The following NIN variants were observed in gnomAD, a reference collection of about 807,000 sequenced individuals.
NIN encodes the protein ninein.
A neutral mutation model predicts 257.6 loss-of-function variants in NIN; 137 were observed. The observed-to-expected ratio is 0.53, with a 90% CI of 0.46 to 0.61. The LOEUF (loss-of-function observed/expected upper bound fraction) is 0.61. NIN is among the 20% of genes least tolerant of loss of function. NIN has a pLI of 0.00. For synonymous variants in NIN, 918 were observed against 919.8 expected, an observed-to-expected ratio of 1.00 and a Z score of 0.04; for missense variants, 2,439 against 2,501.2, an observed-to-expected ratio of 0.98 and a Z score of 0.53.
intron 4 of NIN, chr14:50,806,077 C>T (rs2044312476): frequency 6.6e-6 from 1 of 152,194 alleles, no homozygotes; most frequent in South Asian, 2.1e-4. Flanking sequence ...TTTTACATTA[C>T]AATTGGCAAC....
Position 50,721,211 on chromosome 14 carries a change from T to C in NIN, c.*2252A>G. 1 of 202,638 alleles carries C rather than the reference T, an allele frequency of 4.9e-6. No individual in the cohort carries two copies. The highest frequency in any genetic ancestry group is 2.3e-5 in the African/African-American group (1 of 43,738). The allele number at this position is 202,638 out of a possible 1,614,324, so 12.6% of individuals were successfully genotyped here. The stretch of plus-strand genomic sequence containing the variant: ...GGGATAAAATGAGAAATTAAGCACC[T>C]AGATGTTGGTTAAATTCATTTGAGC... On this transcript the variant is annotated 3_prime_UTR_variant, in exon 31 of 31. Coordinates refer to ENST00000530997, the MANE Select transcript of NIN (RefSeq NM_020921.4).
At chr14:50,788,912 G>C (rs914829348) in intron 5 of NIN, among the ~76,000 whole-genome samples, 4 of 152,124 alleles carry the variant, frequency 2.6e-5, no homozygotes, top group African/African-American at 9.7e-5. Context: ...ATGGGTTTAG[G>C]CCCTTTTATT....
At chr14:50,770,282 G>A (rs2042676928) in intron 12 of NIN, 106 bp downstream of exon 12, 1 of 1,169,666 alleles carries the variant, frequency 8.5e-7, no homozygotes. Context: ...AAACTTGGAG[G>A]ATTTTTGGAC....
intron 9 of NIN, chr14:50,772,041 CACT>C: frequency 2.9e-6 from 1 of 343,696 alleles, no homozygotes; most frequent in East Asian, 4.8e-5. Context: ...ACAACAACAA[CACT>C]ATCTGGCCCT....
chr14:50,774,526 T>G (rs1437513729), intron 7 of NIN, among the ~76,000 whole-genome samples: 1 of 152,188 alleles, frequency 6.6e-6, no homozygotes, highest in Admixed American at 6.5e-5. Flanking sequence ...TGGAAAGATA[T>G]TTGGGGCAAG....
At chr14:50,764,559 G>A (rs1486532944) in intron 14 of NIN, among the ~76,000 whole-genome samples, 1 of 152,062 alleles carries the variant, frequency 6.6e-6, no homozygotes, top group Non-Finnish European at 1.5e-5. Flanking sequence ...ACTCATAATA[G>A]CCAAAATCCC....
At chr14:50,734,180 C>CCTG in intron 28 of NIN, among the ~76,000 whole-genome samples, 1 of 151,586 alleles carries the variant, frequency 6.6e-6, no homozygotes, top group Non-Finnish European at 1.5e-5. Context: ...ACCTCCGCCT[C>CCTG]CCAGGTTCAA....
chr14:50,734,609 TTCAG>T, intron 28 of NIN, among the ~76,000 whole-genome samples: 1 of 152,188 alleles, frequency 6.6e-6, no homozygotes, highest in Non-Finnish European at 1.5e-5. Flanking sequence ...AAACTCGGTA[TTCAG>T]AAAGCAATCT....
intron 30 of NIN, among the ~76,000 whole-genome samples, chr14:50,724,595 G>T (rs1361226270): frequency 6.6e-6 from 1 of 151,708 alleles, no homozygotes; most frequent in Non-Finnish European, 1.5e-5. Flanking sequence ...CTTCATTGCC[G>T]ACAGAATAAA....
At chr14:50,747,810 C>T (rs1290697319) in intron 22 of NIN, among the ~76,000 whole-genome samples, 182 bp downstream of exon 22, 1 of 151,884 alleles carries the variant, frequency 6.6e-6, no homozygotes, top group South Asian at 2.1e-4. Flanking sequence ...TTAGCAATAG[C>T]CTTTACAGAT....
At chr14:50,725,752 G>A (rs1016280073) in intron 30 of NIN, 1 of 870,588 alleles carries the variant, frequency 1.1e-6, no homozygotes, top group African/African-American at 1.7e-5. Context: ...GCCTTAAACA[G>A]AGCTTTGGAA....
chr14:50,814,128 C>T (rs901207555), intron 3 of NIN, among the ~76,000 whole-genome samples: 2 of 152,060 alleles, frequency 1.3e-5, no homozygotes, highest in African/African-American at 2.4e-5. Context: ...ACTTAATTTA[C>T]TGCAGACAAT....
Position 50,729,239 on chromosome 14 carries a change from T to A in NIN, c.6078+284A>T, listed in dbSNP as rs191361104. Among the ~76,000 whole-genome samples, 5 of 151,334 alleles carry A rather than the reference T, an allele frequency of 3.3e-5. No individual in the cohort carries two copies. In the East Asian group the frequency reaches 9.7e-4, roughly 29 times the overall value. ...GTTAAATATCTCTCTGAAAGAAGATTTAGGATTGTGATTTTGTTTTTTTTT... is the reference window on the plus strand; with the variant it reads ...GTTAAATATCTCTCTGAAAGAAGATATAGGATTGTGATTTTGTTTTTTTTT... On this transcript the variant is annotated intron_variant, in intron 29 of 30. Transcript: ENST00000530997.
chr14:50,758,397 T>C lies in NIN; in HGVS notation c.2633A>G (p.Glu878Gly), dbSNP rs1257683799. 3 of 1,614,086 alleles carry C rather than the reference T, an allele frequency of 1.9e-6. No homozygotes were observed. The highest frequency in any genetic ancestry group is 2.5e-6 in the Non-Finnish European group (3 of 1,179,904). The change falls in exon 18 of 31, where the codon GAG becomes GGG. Residue 878 changes from glutamate (E) to glycine (G), a missense_variant. Transcript: ENST00000530997. ...ECAEAQELLK[E>G]TLKREKTTSL... ...AGTTGTTTTCTCTCTCTTAAGAGTC[T>C]CTTTCAGCAGCTCCTGGGCTTCCGC...
At chr14:50,772,197 A>T in intron 9 of NIN, 104 bp downstream of exon 9, 1 of 1,051,844 alleles carries the variant, frequency 9.5e-7, no homozygotes, top group Non-Finnish European at 1.4e-6. Flanking sequence ...GAACAGAAGT[A>T]CCATTAAGAA....
intron 22 of NIN, 49 bp downstream of exon 22, chr14:50,747,943 C>A: frequency 8.1e-7 from 1 of 1,232,606 alleles, no homozygotes; most frequent in Non-Finnish European, 1.2e-6. Context: ...CAGGAGCCCA[C>A]CAGGTACATA....
chr14:50,813,128 G>A (rs1160871391), intron 3 of NIN, among the ~76,000 whole-genome samples: 1 of 152,146 alleles, frequency 6.6e-6, no homozygotes, highest in African/African-American at 2.4e-5. Flanking sequence ...ACCCAGAACC[G>A]AAATGTTGAT....
intron 7 of NIN, among the ~76,000 whole-genome samples, chr14:50,775,702 T>C (rs2042894354): frequency 6.6e-6 from 1 of 152,166 alleles, no homozygotes; most frequent in South Asian, 2.1e-4. Flanking sequence ...AACATGCAGC[T>C]CTCCACAAGT....
chr14:50,775,202 AT>A (rs200772721), intron 7 of NIN, among the ~76,000 whole-genome samples: 7 of 150,530 alleles, frequency 4.7e-5, no homozygotes, highest in East Asian at 1.9e-4. Context: ...AAATCTCCTG[AT>A]TTTTTTTTTC....
Sources: allele counts gnomAD v4.1 joint callset (sites outside exome capture counted in the v4.1 genomes callset), GRCh38; gene constraint gnomAD v4.1.1; transcripts MANE v1.5; gene names NCBI Gene and HGNC (gene_info 2026-07-23, HGNC 2026-07-21).